The following EIF4A2 variants were observed in gnomAD, a reference collection of about 807,000 sequenced individuals.
The protein encoded by EIF4A2 is eukaryotic translation initiation factor 4A2, also known as eukaryotic initiation factor 4A-II.
A neutral mutation model predicts 50.6 loss-of-function variants in EIF4A2; 9 were observed. That is an observed-to-expected ratio of 0.18 (90% CI 0.11 to 0.31). The LOEUF is 0.31. Among genes scored for constraint, EIF4A2 ranks in the 10% least tolerant of loss-of-function variants. EIF4A2 has a pLI of 1.00. For synonymous variants in EIF4A2, 215 were observed against 164.4 expected (o/e 1.31, Z -2.35); for missense variants, 182 against 501.8 (o/e 0.36, Z 6.09).
At chr3:186,786,981 T>C (rs1000369195) in intron 7 of EIF4A2, 146 bp from the exon 8 acceptor site, 1 of 1,231,330 alleles carries the variant, frequency 8.1e-7, no homozygotes. Flanking sequence ...GAAACCCTGG[T>C]CTGGTTGGAA....
At chr3:186,788,430 T>C (rs1721900179) in intron 10 of EIF4A2, 1 of 1,241,196 alleles carries the variant, frequency 8.1e-7, no homozygotes, top group East Asian at 5.7e-5. Context: ...GGTATTTATA[T>C]TTGTTTTTCT....
intron 7 of EIF4A2, 185 bp from the exon 8 acceptor site, chr3:186,786,942 A>T: frequency 3.1e-6 from 3 of 982,952 alleles, no homozygotes; most frequent in Admixed American, 4.3e-5. Context: ...CAATTTTGGT[A>T]TTTTGGGTAG....
chr3:186,785,833 G>C (rs775231772), intron 4 of EIF4A2, 50 bp from the exon 5 acceptor site: 1 of 1,558,428 alleles, frequency 6.4e-7, no homozygotes, highest in Non-Finnish European at 8.7e-7. Context: ...TTAAAAATTA[G>C]TCATTGATCC....
rs1303708056 is a variant in EIF4A2, at chr3:186,783,653, TGGC to T, written c.29+17_29+19del. The T allele has an allele frequency of 2.5e-6, 4 of 1,614,152 alleles. No individual in the cohort carries two copies. In the South Asian group the frequency reaches 4.4e-5, roughly 18 times the overall value. On this transcript the variant is annotated intron_variant, in intron 1 of 10. Transcript: ENST00000323963. ...GGATTATAACAGGTATGCAGTCTGT[TGGC>T]GGTCGCGGTCTGTAGTGAAGGTCAT... is the stretch of plus-strand genomic sequence containing the variant.
intron 10 of EIF4A2, chr3:186,788,407 TAA>T: frequency 5.5e-6 from 7 of 1,277,514 alleles, no homozygotes; most frequent in Non-Finnish European, 6.1e-6. Flanking sequence ...ACTGTTTGAA[TAA>T]AGAGCGAGTC....
chr3:186,784,541 G>C (rs368094046), intron 2 of EIF4A2, 23 bp from the exon 3 acceptor site: 5 of 1,614,042 alleles, frequency 3.1e-6, no homozygotes, highest in Non-Finnish European at 4.2e-6. Context: ...ATTTATGCGT[G>C]CATTATTTTT....
intron 7 of EIF4A2, 22 bp from the exon 8 acceptor site, chr3:186,787,105 C>A (rs745861242): frequency 1.2e-6 from 2 of 1,612,172 alleles, no homozygotes; most frequent in Non-Finnish European, 1.7e-6. Flanking sequence ...TGACTGTTAA[C>A]TTTAACTTCT....
At chr3:186,788,963 AT>A in intron 10 of EIF4A2, 161 bp from the exon 11 acceptor site, 4 of 1,038,232 alleles carry the variant, frequency 3.9e-6, no homozygotes, top group Non-Finnish European at 5.3e-6. Flanking sequence ...GCAAAGGAAG[AT>A]TTTTTTCTCT....
In EIF4A2 at chr3:186,786,291, C is replaced by G. The variant is rs1330963088; in HGVS notation, c.627+18C>G. ...GTATTCAGGTAAGCATTACTTCACCCCCCTCTTAAAGGTAGAGATGGGGTT... is the reference window on the plus strand; with the variant it reads ...GTATTCAGGTAAGCATTACTTCACCGCCCTCTTAAAGGTAGAGATGGGGTT... On this transcript the variant is annotated intron_variant, in intron 6 of 10. Transcript: ENST00000323963. 2 of 1,603,746 alleles carry G rather than the reference C, an allele frequency of 1.2e-6. No individual in the cohort carries two copies. Among genetic ancestry groups the G allele is most frequent in the Admixed American group, 1.7e-5 (1 of 59,286 alleles).
At chr3:186,784,069 G>A (rs961447061) in intron 1 of EIF4A2, 1 of 439,226 alleles carries the variant, frequency 2.3e-6, no homozygotes, top group African/African-American at 2.0e-5. Flanking sequence ...ACGGCGCGGA[G>A]GCGACGGGAC....
rs1221645031 is a variant in EIF4A2 at position 186,789,413 on chromosome 3, C to T, written c.*144C>T. 1.3e-5 allele frequency: 15 copies of T among 1,196,000 alleles called. No homozygotes were observed. The highest frequency in any genetic ancestry group is 7.2e-5 in the South Asian group (4 of 55,264). 74.1% of individuals were successfully genotyped at this position (1,196,000 alleles called of 1,614,324 possible). ...AGAAATACAGATTTTGATAGCAAAG[C>T]GACGTTAGTCGTGAGCTCTTGTGAG... On this transcript the variant is annotated 3_prime_UTR_variant, in exon 11 of 11. Coordinates refer to ENST00000323963, the MANE Select transcript of EIF4A2 (RefSeq NM_001967.4).
chr3:186,788,144 G>C, intron 10 of EIF4A2: 1 of 663,754 alleles, frequency 1.5e-6, no homozygotes, highest in Non-Finnish European at 2.4e-6. Context: ...TGATGTTCTT[G>C]TGTCCATGTG....
intron 1 of EIF4A2, chr3:186,783,909 GGAAACA>G: frequency 1.9e-6 from 1 of 534,024 alleles, no homozygotes; most frequent in Non-Finnish European, 3.3e-6. Flanking sequence ...GTAGAGCACG[GGAAACA>G]TGGAGTAAAA....
chr3:186,784,307 A>C (rs2108454314), intron 1 of EIF4A2, 125 bp from the exon 2 acceptor site: 1 of 1,390,516 alleles, frequency 7.2e-7, no homozygotes, highest in Non-Finnish European at 1.0e-6. Flanking sequence ...ATTCGCCCTG[A>C]GGCTGCTGCT....
chr3:186,784,290 T>C, intron 1 of EIF4A2, 142 bp from the exon 2 acceptor site: 2 of 1,215,714 alleles, frequency 1.6e-6, no homozygotes, highest in Non-Finnish European at 2.4e-6. Context: ...AGGCGCACAG[T>C]GTGGATATTC....
Position 186,787,486 on chromosome 3 carries a change from A to T in EIF4A2, c.910-9A>T, listed in dbSNP as rs1721809739. 6.2e-7 allele frequency: 1 copy of T among 1,612,212 alleles called. No homozygotes were observed. Among genetic ancestry groups the T allele is most frequent in the Non-Finnish European group, 8.5e-7 (1 of 1,178,882 alleles). ...GGTGATTCTTGAATTAAGGTTTATT[A>T]ATTTGCAGCATGGTGACATGGACCA... On this transcript the variant is annotated splice_polypyrimidine_tract_variant and intron_variant, in intron 8 of 10. Coordinates refer to ENST00000323963, the MANE Select transcript of EIF4A2 (RefSeq NM_001967.4).
In EIF4A2 at chr3:186,789,394, AC is replaced by A; in HGVS notation, c.*126del. Reference sequence around the variant, plus strand: ...TCAATGCTCATAACGGATCAGAAATACAGATTTTGATAGCAAAGCGACGTTA... The same window carrying A: ...TCAATGCTCATAACGGATCAGAAATAAGATTTTGATAGCAAAGCGACGTTA... On this transcript the variant is annotated 3_prime_UTR_variant, in exon 11 of 11. Coordinates refer to ENST00000323963, the MANE Select transcript of EIF4A2 (RefSeq NM_001967.4). 7.3e-7 allele frequency: 1 copy of A among 1,365,332 alleles called. No homozygotes were observed. Among genetic ancestry groups the A allele is most frequent in the Non-Finnish European group, 9.8e-7 (1 of 1,024,594 alleles). 84.6% of individuals were successfully genotyped at this position (1,365,332 alleles called of 1,614,324 possible).
At chr3:186,784,860 C>G in intron 3 of EIF4A2, 102 bp from the exon 4 acceptor site, 3 of 1,602,580 alleles carry the variant, frequency 1.9e-6, no homozygotes, top group East Asian at 2.2e-5. Context: ...CATTGCTGAT[C>G]ACTTGATTAT....
chr3:186,787,065 A>G (rs1436152427), intron 7 of EIF4A2, 62 bp from the exon 8 acceptor site: 2 of 1,605,214 alleles, frequency 1.2e-6, no homozygotes. Flanking sequence ...CCCAGAATGA[A>G]TTTTTAACTG....
Sources: gnomAD v4.1 joint callset for allele counts on GRCh38, gnomAD v4.1.1 for gene constraint, MANE v1.5 for transcripts, NCBI Gene and HGNC (gene_info 2026-07-23, HGNC 2026-07-21) for gene names.